GALNT13: variants seen among roughly 807,000 people sequenced by gnomAD.
GALNT13 encodes the protein UDP-GalNAc:polypeptide N-acetylgalactosaminyltransferase 13.
Under a neutral mutation model 64.2 loss-of-function variants are expected in GALNT13, and 28 were observed. That is an observed-to-expected ratio of 0.44 (90% CI 0.32 to 0.60). GALNT13 has a LOEUF of 0.60. Among genes scored for constraint, GALNT13 ranks in the 20% least tolerant of loss-of-function variants. The probability of loss-of-function intolerance (pLI) is 0.05; values close to 1 mark genes in which losing one functional copy is unlikely to be tolerated. For synonymous variants in GALNT13, 214 were observed against 224.6 expected (o/e 0.95, Z 0.42); for missense variants, 577 against 669.8 (o/e 0.86, Z 1.53).
chr2:153,543,682 ATCT>A, the GALNT13 span, among the ~76,000 whole-genome samples: 58 of 152,290 alleles, frequency 3.8e-4, no homozygotes, highest in African/African-American at 1.3e-3. Flanking sequence ...TGTGACTCAG[ATCT>A]TCTGGGAAAA....
At chr2:154,019,610 A>T (rs1697282804) in intron 3 of GALNT13, among the ~76,000 whole-genome samples, 1 of 87,348 alleles carries the variant, frequency 1.1e-5, no homozygotes, top group Non-Finnish European at 2.9e-5. Context: ...CTCCACACAC[A>T]CACACACACA....
chr2:154,286,426 T>G (rs1465593576), intron 8 of GALNT13, among the ~76,000 whole-genome samples: 3 of 152,212 alleles, frequency 2.0e-5, no homozygotes, highest in African/African-American at 7.2e-5. Flanking sequence ...TCTACTCAGA[T>G]GATCATGTGC....
chr2:153,404,812 T>G, the GALNT13 span, among the ~76,000 whole-genome samples: 3 of 152,334 alleles, frequency 2.0e-5, no homozygotes, highest in East Asian at 5.8e-4. Flanking sequence ...AATGCTAGGG[T>G]ATTCAACATT....
intron 3 of GALNT13, among the ~76,000 whole-genome samples, chr2:153,951,573 T>C (rs1289750663): frequency 1.3e-5 from 2 of 152,098 alleles, no homozygotes; most frequent in African/African-American, 2.4e-5. Context: ...AGTGTCAAGG[T>C]CAAGTCTCTG....
chr2:154,156,815 TATAAG>T (rs1261754800), intron 4 of GALNT13, among the ~76,000 whole-genome samples: 3 of 152,090 alleles, frequency 2.0e-5, no homozygotes, highest in Non-Finnish European at 4.4e-5. Context: ...CTTATATAGA[TATAAG>T]GGAGAACACA....
chr2:154,018,169 A>G (rs537246971), intron 3 of GALNT13, among the ~76,000 whole-genome samples: 5 of 152,332 alleles, frequency 3.3e-5, no homozygotes, highest in African/African-American at 4.8e-5. Context: ...CGCAACTGCA[A>G]TCTCATACAC....
At chr2:153,541,945 A>C in the GALNT13 span, among the ~76,000 whole-genome samples, 1 of 152,152 alleles carries the variant, frequency 6.6e-6, no homozygotes. Flanking sequence ...CTAGTCAGTA[A>C]TTTTTAAATG....
chr2:153,458,533 C>A, the GALNT13 span, among the ~76,000 whole-genome samples: 1 of 152,160 alleles, frequency 6.6e-6, no homozygotes. Flanking sequence ...CCTCTCCCAG[C>A]CTTCCTAGCC....
intron 4 of GALNT13, among the ~76,000 whole-genome samples, chr2:154,158,221 A>G (rs971763669): frequency 6.6e-6 from 1 of 152,196 alleles, no homozygotes; most frequent in Non-Finnish European, 1.5e-5. Flanking sequence ...AGCACCAGAT[A>G]GTCCCCACAA....
At chr2:154,383,388 A>C (rs2105336158) in intron 9 of GALNT13, among the ~76,000 whole-genome samples, 1 of 151,814 alleles carries the variant, frequency 6.6e-6, no homozygotes, top group East Asian at 1.9e-4. Context: ...CATAAAGAAC[A>C]TTCCTGCTGA....
At chr2:153,669,069 G>T in the GALNT13 span, among the ~76,000 whole-genome samples, 2 of 152,288 alleles carry the variant, frequency 1.3e-5, no homozygotes. Flanking sequence ...TGAGGCCTCA[G>T]ATGCCCAACT....
the GALNT13 span, among the ~76,000 whole-genome samples, chr2:153,562,590 G>A: frequency 7.2e-4 from 109 of 152,044 alleles, 1 homozygote; most frequent in Middle Eastern, 0.021. Context: ...TAGTTTTACA[G>A]CAAAGTTGCT....
At chr2:153,147,691 A>T in the GALNT13 span, among the ~76,000 whole-genome samples, 2 of 151,736 alleles carry the variant, frequency 1.3e-5, no homozygotes, top group African/African-American at 2.4e-5. Context: ...AATTTGGGAA[A>T]CTAAAGACAA....
At chr2:154,031,315 T>G (rs1273306159) in intron 3 of GALNT13, among the ~76,000 whole-genome samples, 1 of 151,652 alleles carries the variant, frequency 6.6e-6, no homozygotes, top group Non-Finnish European at 1.5e-5. Context: ...TAAAATATAT[T>G]TAATCAAAAA....
the GALNT13 span, among the ~76,000 whole-genome samples, chr2:153,783,025 T>C: frequency 1.1e-4 from 16 of 152,126 alleles, no homozygotes; most frequent in Admixed American, 3.9e-4. Flanking sequence ...AGGCCCAGAA[T>C]GGGAATCTAG....
At chr2:153,883,321 A>G (rs531025337) in intron 1 of GALNT13, among the ~76,000 whole-genome samples, 1 of 152,036 alleles carries the variant, frequency 6.6e-6, no homozygotes, top group East Asian at 1.9e-4. Context: ...TGACTTCCTA[A>G]TTGGACGTCT....
the GALNT13 span, among the ~76,000 whole-genome samples, chr2:153,723,004 G>C: frequency 1.3e-5 from 2 of 152,108 alleles, no homozygotes; most frequent in Admixed American, 6.6e-5. Context: ...ACAACCAAAA[G>C]AGAGAATTTA....
chr2:154,194,992 A>T (rs769757450), intron 4 of GALNT13, among the ~76,000 whole-genome samples: 14 of 151,738 alleles, frequency 9.2e-5, no homozygotes, highest in Non-Finnish European at 2.1e-4. Context: ...CCCCACGTGC[A>T]TTAGGTATTT....
intron 8 of GALNT13, among the ~76,000 whole-genome samples, chr2:154,265,118 C>G (rs1044917493): frequency 3.3e-5 from 5 of 151,628 alleles, no homozygotes; most frequent in African/African-American, 1.2e-4. Flanking sequence ...GTGGCATGAC[C>G]ACCATGTATT....
Sources: gnomAD v4.1 joint callset for allele counts (sites outside exome capture counted in the v4.1 genomes callset) on GRCh38, gnomAD v4.1.1 for gene constraint, MANE v1.5 for transcripts, NCBI Gene and HGNC (gene_info 2026-07-23, HGNC 2026-07-21) for gene names.